The following DLGAP2 variants were observed in gnomAD, a reference collection of about 807,000 sequenced individuals.
DLGAP2 encodes disks large-associated protein 2.
A neutral mutation model predicts 100.3 loss-of-function variants in DLGAP2; 26 were observed. The ratio of observed to expected loss-of-function variants is 0.26; its 90% CI spans 0.19 to 0.36. DLGAP2 has a LOEUF of 0.36. Ranked by LOEUF, DLGAP2 falls within the 10% of genes least tolerant of loss-of-function variation. The pLI, the probability that DLGAP2 is intolerant of heterozygous loss-of-function variation, is 1.00. For synonymous variants in DLGAP2, 886 were observed against 630.1 expected, an observed-to-expected ratio of 1.41 and a Z score of -6.08; for missense variants, 1,858 against 1,453.2, an observed-to-expected ratio of 1.28 and a Z score of -4.53.
At chr8:1,013,380 G>T (rs930475742) in intron 2 of DLGAP2, among the ~76,000 whole-genome samples, 4 of 152,172 alleles carry the variant, frequency 2.6e-5, no homozygotes, top group Non-Finnish European at 4.4e-5. Flanking sequence ...AGAGCCTCAC[G>T]CTTGTTTGTA....
At chr8:1,304,662 G>A (rs1305423896) in intron 3 of DLGAP2, among the ~76,000 whole-genome samples, 1 of 152,158 alleles carries the variant, frequency 6.6e-6, no homozygotes, top group Non-Finnish European at 1.5e-5. Flanking sequence ...ATACAGTGCG[G>A]AAGTGCTTCT....
chr8:872,859 C>A (rs1468819920), intron 1 of DLGAP2, among the ~76,000 whole-genome samples: 1 of 152,162 alleles, frequency 6.6e-6, no homozygotes, highest in Non-Finnish European at 1.5e-5. Flanking sequence ...AGTCAGTCCT[C>A]AATATCCAGG....
At chr8:1,176,630 G>A (rs898070790) in intron 2 of DLGAP2, among the ~76,000 whole-genome samples, 9 of 152,080 alleles carry the variant, frequency 5.9e-5, no homozygotes, top group African/African-American at 2.2e-4. Context: ...TGGGGTTGAC[G>A]GGGAAGAAGT....
At chr8:809,628 T>C (rs898547375) in intron 1 of DLGAP2, among the ~76,000 whole-genome samples, 2 of 152,206 alleles carry the variant, frequency 1.3e-5, no homozygotes, top group African/African-American at 4.8e-5. Flanking sequence ...AATTAGAATC[T>C]GTCTACCAAT....
At chr8:749,370 C>T (rs74389408) in intron 1 of DLGAP2, among the ~76,000 whole-genome samples, 2,757 of 152,258 alleles carry the variant, frequency 0.018, 45 homozygotes, top group Middle Eastern at 0.034. Flanking sequence ...GCAATAATTC[C>T]GTGACCTAGA....
At chr8:1,595,590 C>T (rs914150325) in intron 6 of DLGAP2, among the ~76,000 whole-genome samples, 1 of 148,742 alleles carries the variant, frequency 6.7e-6, no homozygotes, top group African/African-American at 2.5e-5. Flanking sequence ...TGGCGTGAAC[C>T]CGGGAAGCGG....
At chr8:1,322,017 T>A (rs1800912648) in intron 3 of DLGAP2, among the ~76,000 whole-genome samples, 2 of 152,210 alleles carry the variant, frequency 1.3e-5, no homozygotes, top group South Asian at 4.1e-4. Context: ...AGAATTTATA[T>A]CTTTTGTAAT....
intron 2 of DLGAP2, among the ~76,000 whole-genome samples, chr8:1,057,500 C>G (rs1179021323): frequency 1.3e-5 from 2 of 152,188 alleles, no homozygotes; most frequent in South Asian, 4.1e-4. Flanking sequence ...AATGGCATTG[C>G]CTAAGAATTC....
chr8:1,573,844 T>A (rs1196930230), intron 6 of DLGAP2, among the ~76,000 whole-genome samples: 1 of 152,188 alleles, frequency 6.6e-6, no homozygotes, highest in African/African-American at 2.4e-5. Flanking sequence ...GACCCTAGAA[T>A]ACTTACATCT....
chr8:749,682 A>G (rs983958280), intron 1 of DLGAP2, among the ~76,000 whole-genome samples: 7 of 151,602 alleles, frequency 4.6e-5, no homozygotes, highest in Non-Finnish European at 7.4e-5. Context: ...TTTTTTCTCC[A>G]GTCAATTCCT....
intron 2 of DLGAP2, among the ~76,000 whole-genome samples, chr8:952,766 T>G (rs1355945779): frequency 3.9e-5 from 6 of 152,258 alleles, no homozygotes; most frequent in Non-Finnish European, 7.3e-5. Flanking sequence ...TTATTTTATG[T>G]TATTTTTTCA....
At chr8:1,536,809 T>C (rs1285624796) in intron 4 of DLGAP2, among the ~76,000 whole-genome samples, 1 of 152,214 alleles carries the variant, frequency 6.6e-6, no homozygotes, top group Non-Finnish European at 1.5e-5. Flanking sequence ...TCCATTCAAA[T>C]ATTTCACTTT....
chr8:751,592 A>G (rs181571478), intron 1 of DLGAP2, among the ~76,000 whole-genome samples: 2 of 151,948 alleles, frequency 1.3e-5, no homozygotes, highest in Non-Finnish European at 3.0e-5. Context: ...GTAAGTCCTT[A>G]TAATAAGTTC....
At chr8:1,363,007 A>G (rs1327160684) in intron 3 of DLGAP2, among the ~76,000 whole-genome samples, 7 of 152,148 alleles carry the variant, frequency 4.6e-5, no homozygotes, top group African/African-American at 1.4e-4. Context: ...TCTCAGCCCC[A>G]CCGCCGGACA....
chr8:1,419,441 CGTGT>C (rs71190735), intron 3 of DLGAP2, among the ~76,000 whole-genome samples: 644 of 52,916 alleles, frequency 0.012, 12 homozygotes, highest in Admixed American at 0.023. Flanking sequence ...CACTCTGATA[CGTGT>C]GTGTGTGTGT....
At chr8:1,591,528 A>G (rs563672730) in intron 6 of DLGAP2, among the ~76,000 whole-genome samples, 1 of 129,792 alleles carries the variant, frequency 7.7e-6, no homozygotes, top group South Asian at 2.4e-4. Flanking sequence ...TTCCTGCCTA[A>G]CCCCCTCCTC....
chr8:740,935 A>G (rs1250827168), intron 1 of DLGAP2, among the ~76,000 whole-genome samples: 1 of 152,198 alleles, frequency 6.6e-6, no homozygotes, highest in Non-Finnish European at 1.5e-5. Context: ...TTTTGGCCAG[A>G]TGGGAGTCAT....
intron 1 of DLGAP2, among the ~76,000 whole-genome samples, chr8:904,547 C>T (rs746443146): frequency 2.0e-5 from 3 of 152,162 alleles, no homozygotes; most frequent in Non-Finnish European, 4.4e-5. Context: ...ATGTGACGGC[C>T]CCAGTGGACG....
intron 3 of DLGAP2, among the ~76,000 whole-genome samples, chr8:1,315,848 CCT>C (rs1800728354): frequency 1.4e-5 from 1 of 73,406 alleles, no homozygotes; most frequent in Non-Finnish European, 2.9e-5. Context: ...AAAAATAGAG[CCT>C]GTGCGAGTGC....
Sources: allele counts gnomAD v4.1 joint callset (sites outside exome capture counted in the v4.1 genomes callset), GRCh38; gene constraint gnomAD v4.1.1; transcripts MANE v1.5; gene names NCBI Gene and HGNC (gene_info 2026-07-23, HGNC 2026-07-21).